The following POU6F2 variants were observed in gnomAD, a reference collection of about 807,000 sequenced individuals.
The protein encoded by POU6F2 is POU class 6 homeobox 2.
POU6F2 carries 31 observed loss-of-function variants against 71.3 expected under a neutral mutation model. The observed-to-expected ratio is 0.43, with a 90% confidence interval of 0.33 to 0.59. The LOEUF is 0.59. POU6F2 is among the 20% of genes least tolerant of loss of function. The pLI is 0.04. For synonymous variants in POU6F2, 347 were observed against 355.7 expected, an observed-to-expected ratio of 0.98 and a Z score of 0.27; for missense variants, 783 against 856.8, an observed-to-expected ratio of 0.91 and a Z score of 1.07.
chr7:39,011,274 T>G (rs1403819613), intron 1 of POU6F2, among the ~76,000 whole-genome samples: 3,912 of 149,550 alleles, frequency 0.026, 148 homozygotes, highest in African/African-American at 0.092. Flanking sequence ...TTTACCATTA[T>G]GTAATGGCCT....
Position 39,451,523 on chromosome 7 carries a change from C to G in POU6F2, c.1321-10C>G. 6.2e-7 allele frequency: 1 copy of G among 1,606,328 alleles called. No homozygotes were observed. Among genetic ancestry groups the G allele is most frequent in the Non-Finnish European group, 8.5e-7 (1 of 1,174,780 alleles). On this transcript the variant is annotated splice_polypyrimidine_tract_variant and intron_variant, in intron 7 of 9. Coordinates refer to ENST00000518318, the MANE Select transcript of POU6F2 (RefSeq NM_001370959.1). Reference sequence around the variant, plus strand: ...TCATTTGTGTATTTTTTTTACATCCCCTCATGTAGCTCCACCAACCCTCCC... The same window carrying G: ...TCATTTGTGTATTTTTTTTACATCCGCTCATGTAGCTCCACCAACCCTCCC...
chr7:39,406,052 A>G (rs1787419773), intron 5 of POU6F2: 1 of 153,634 alleles, frequency 6.5e-6, no homozygotes, highest in South Asian at 2.0e-4. Flanking sequence ...TTCCATTTCT[A>G]CTGGCTTTGG....
chr7:39,091,813 G>A (rs1347325388), intron 2 of POU6F2, among the ~76,000 whole-genome samples: 2 of 152,184 alleles, frequency 1.3e-5, no homozygotes, highest in Admixed American at 6.5e-5. Flanking sequence ...CCACTTCAAC[G>A]TTGAGATTTC....
intron 4 of POU6F2, among the ~76,000 whole-genome samples, chr7:39,284,017 ACT>A (rs1177755327): frequency 1.3e-5 from 2 of 152,088 alleles, no homozygotes; most frequent in African/African-American, 2.4e-5. Context: ...TGCAAATTTC[ACT>A]CTCTGCCTCC....
chr7:39,104,220 C>G (rs2128724256), intron 2 of POU6F2, among the ~76,000 whole-genome samples: 1 of 152,326 alleles, frequency 6.6e-6, no homozygotes, highest in African/African-American at 2.4e-5. Context: ...TAGGGTTGCT[C>G]CCATTATTTA....
At chr7:39,082,793 T>TGC (rs1399747537) in intron 1 of POU6F2, among the ~76,000 whole-genome samples, 3 of 67,348 alleles carry the variant, frequency 4.5e-5, no homozygotes, top group Admixed American at 1.7e-4. Context: ...AACCATGTCA[T>TGC]GCACACACAC....
chr7:39,102,783 C>T (rs919254489), intron 2 of POU6F2, among the ~76,000 whole-genome samples: 1 of 152,110 alleles, frequency 6.6e-6, no homozygotes, highest in African/African-American at 2.4e-5. Flanking sequence ...TTACGTAAAT[C>T]TAGATGGTGG....
intron 1 of POU6F2, among the ~76,000 whole-genome samples, chr7:38,990,753 G>A (rs1391484483): frequency 1.3e-5 from 2 of 152,004 alleles, no homozygotes; most frequent in Non-Finnish European, 2.9e-5. Context: ...TGATCACTCT[G>A]AATCACAGGG....
chr7:39,379,330 C>T (rs1786777617), intron 5 of POU6F2, among the ~76,000 whole-genome samples: 2 of 152,132 alleles, frequency 1.3e-5, no homozygotes, highest in South Asian at 4.1e-4. Context: ...CTATATTACT[C>T]TTCCTCCAGC....
At chr7:39,298,550 G>A (rs545378159) in intron 4 of POU6F2, among the ~76,000 whole-genome samples, 4 of 152,292 alleles carry the variant, frequency 2.6e-5, no homozygotes, top group South Asian at 2.1e-4. Flanking sequence ...CTTTTACACC[G>A]TTGGTGGGAA....
At chr7:38,991,362 G>A (rs762459141) in intron 1 of POU6F2, among the ~76,000 whole-genome samples, 2 of 151,950 alleles carry the variant, frequency 1.3e-5, no homozygotes, top group Non-Finnish European at 2.9e-5. Flanking sequence ...ATTGAAAACC[G>A]TGGCTTTAGA....
At position 39,348,121 on chromosome 7, in the gene POU6F2, A is replaced by G. The variant is rs138068329; in HGVS notation, c.972+8106A>G. The stretch of plus-strand genomic sequence containing the variant: ...ACTTTCAATATATGAACTATACATA[A>G]TAAACTCTTGAGAAAACAACAAAAA... On this transcript the variant is annotated intron_variant, in intron 5 of 9. Transcript: ENST00000518318. Among the ~76,000 whole-genome samples, 15 of 144,470 alleles carry G rather than the reference A, an allele frequency of 1.0e-4. 2 individuals are homozygous for G. The highest frequency in any genetic ancestry group is 3.2e-4 in the African/African-American group (13 of 40,444). 94.8% of individuals were successfully genotyped at this position (144,470 alleles called of 152,430 possible). A position where few individuals can be genotyped will look rare whatever the true frequency, so the allele number is the denominator to read the frequency against.
intron 1 of POU6F2, chr7:39,006,995 C>A: frequency 1.1e-6 from 1 of 910,524 alleles, no homozygotes. Flanking sequence ...AGTGAGATTC[C>A]CTTATGCTCT....
intron 5 of POU6F2, among the ~76,000 whole-genome samples, chr7:39,370,134 C>T (rs2115748726): frequency 6.6e-6 from 1 of 152,274 alleles, no homozygotes; most frequent in South Asian, 2.1e-4. Flanking sequence ...CCCATAATAT[C>T]TCCGAGGTAT....
intron 2 of POU6F2, among the ~76,000 whole-genome samples, chr7:39,160,947 G>A (rs966607604): frequency 6.6e-6 from 1 of 152,168 alleles, no homozygotes; most frequent in East Asian, 1.9e-4. Flanking sequence ...TTAAATAGAT[G>A]TTGAATTGAG....
intron 6 of POU6F2, among the ~76,000 whole-genome samples, chr7:39,427,397 A>G (rs945251711): frequency 6.6e-6 from 1 of 152,120 alleles, no homozygotes; most frequent in African/African-American, 2.4e-5. Context: ...TATTAAGGAG[A>G]ATTACCTTTA....
chr7:39,336,137 T>C (rs1310299982), intron 4 of POU6F2, among the ~76,000 whole-genome samples: 1 of 152,248 alleles, frequency 6.6e-6, no homozygotes, highest in African/African-American at 2.4e-5. Flanking sequence ...ACATACAACT[T>C]GCCACTTTAA....
At chr7:39,296,168 A>C (rs1784840308) in intron 4 of POU6F2, among the ~76,000 whole-genome samples, 1 of 152,206 alleles carries the variant, frequency 6.6e-6, no homozygotes, top group African/African-American at 2.4e-5. Context: ...CCTGCTGTAC[A>C]TTCTCTGGGT....
At chr7:39,443,300 C>T (rs1429643006) in intron 7 of POU6F2, among the ~76,000 whole-genome samples, 1 of 152,204 alleles carries the variant, frequency 6.6e-6, no homozygotes, top group African/African-American at 2.4e-5. Context: ...ACCAGCATCC[C>T]AAAGAGCGGG....
Sources: gnomAD v4.1 joint callset for allele counts (sites outside exome capture counted in the v4.1 genomes callset) on GRCh38, gnomAD v4.1.1 for gene constraint, MANE v1.5 for transcripts, NCBI Gene and HGNC (gene_info 2026-07-23, HGNC 2026-07-21) for gene names.